Variants in PITPNM2 observed in about 807,000 individuals in gnomAD.
The protein encoded by PITPNM2 is membrane-associated phosphatidylinositol transfer protein 2.
Under a neutral mutation model 132.2 loss-of-function variants are expected in PITPNM2, and 35 were observed. The observed-to-expected ratio is 0.26, with a 90% confidence interval of 0.20 to 0.35. The LOEUF (loss-of-function observed/expected upper bound fraction) is 0.35. Ranked by LOEUF, PITPNM2 falls within the 10% of genes least tolerant of loss-of-function variation. The pLI is 1.00. For synonymous variants in PITPNM2, 738 were observed against 799.2 expected, an observed-to-expected ratio of 0.92 and a Z score of 1.29; for missense variants, 1,332 against 1,912.0, an observed-to-expected ratio of 0.70 and a Z score of 5.66.
At chr12:123,096,536 G>T (rs994096550) in intron 2 of PITPNM2, among the ~76,000 whole-genome samples, 1 of 152,162 alleles carries the variant, frequency 6.6e-6, no homozygotes. Flanking sequence ...AGGGGGGCGA[G>T]GAATGAGAGA....
At chr12:123,055,257 A>G (rs1485070904) in intron 2 of PITPNM2, among the ~76,000 whole-genome samples, 1 of 152,152 alleles carries the variant, frequency 6.6e-6, no homozygotes, top group Non-Finnish European at 1.5e-5. Context: ...CTGGTTGGAG[A>G]AAAGGGCAGA....
At chr12:123,133,746 C>G (rs751571389) in intron 1 of PITPNM2, among the ~76,000 whole-genome samples, 1 of 151,582 alleles carries the variant, frequency 6.6e-6, no homozygotes, top group South Asian at 2.1e-4. Context: ...GAAAAAATAT[C>G]CAGATGAACT....
intron 2 of PITPNM2, among the ~76,000 whole-genome samples, chr12:123,102,326 C>T (rs1314737242): frequency 6.6e-6 from 1 of 152,232 alleles, no homozygotes; most frequent in African/African-American, 2.4e-5. Context: ...GAAGAAAACA[C>T]TAAGAAGTGG....
intron 8 of PITPNM2, among the ~76,000 whole-genome samples, chr12:123,002,677 C>T (rs1358139244): frequency 8.5e-5 from 13 of 152,230 alleles, no homozygotes; most frequent in Admixed American, 8.5e-4. Context: ...GTTGGGATAA[C>T]AGGCGTGAGC....
At chr12:123,149,017 G>A (rs1200661192) in intron 1 of PITPNM2, among the ~76,000 whole-genome samples, 12 of 152,170 alleles carry the variant, frequency 7.9e-5, no homozygotes. Flanking sequence ...GGTAGGAGAG[G>A]AGGCAGAAAA....
At chr12:123,060,952 A>G (rs1342958693) in intron 2 of PITPNM2, among the ~76,000 whole-genome samples, 1 of 152,096 alleles carries the variant, frequency 6.6e-6, no homozygotes, top group African/African-American at 2.4e-5. Context: ...ATGCATCCCT[A>G]CTCGCATCTA....
chr12:123,057,152 G>A (rs946601987), intron 2 of PITPNM2, among the ~76,000 whole-genome samples: 5 of 152,120 alleles, frequency 3.3e-5, no homozygotes, highest in African/African-American at 9.6e-5. Context: ...AGGCCGAGGC[G>A]GGTGGATCAC....
chr12:123,114,407 C>T (rs2042897062), intron 1 of PITPNM2, among the ~76,000 whole-genome samples: 1 of 150,914 alleles, frequency 6.6e-6, no homozygotes. Flanking sequence ...TCCCAGAGAC[C>T]GCCTATACAT....
At chr12:123,128,342 T>G (rs1441474077) in intron 1 of PITPNM2, among the ~76,000 whole-genome samples, 2 of 118,382 alleles carry the variant, frequency 1.7e-5, no homozygotes, top group Non-Finnish European at 3.3e-5. Flanking sequence ...CTTAGGAGGC[T>G]GAGGTGGGAG....
rs1204278343 is a variant in PITPNM2 at position 122,995,526 on chromosome 12, C to T, written c.1917G>A (p.Arg639=). Residue 639 remains arginine, a synonymous_variant, in exon 14 of 26, where the codon CGG becomes CGA. Coordinates refer to ENST00000320201, the MANE Select transcript of PITPNM2 (RefSeq NM_020845.3). The stretch of plus-strand genomic sequence containing the variant: ...TGTCGACGTTGCTTCGGCTCAGGTG[C>T]CGACTGCTCTCCAGGCTGGAGCCAC... ...SSGGSSLESS[R]HLSRSNVDIP... 1 of 1,612,434 alleles carries T rather than the reference C, an allele frequency of 6.2e-7. No individual in the cohort carries two copies. The highest frequency in any genetic ancestry group is 8.5e-7 in the Non-Finnish European group (1 of 1,180,016).
At chr12:123,074,843 C>G (rs2041732974) in intron 2 of PITPNM2, among the ~76,000 whole-genome samples, 1 of 152,226 alleles carries the variant, frequency 6.6e-6, no homozygotes. Flanking sequence ...AAAGAGGGAA[C>G]AGAGGCAGCT....
chr12:122,996,093 G>A (rs564056955), intron 13 of PITPNM2, among the ~76,000 whole-genome samples: 22 of 152,308 alleles, frequency 1.4e-4, no homozygotes, highest in African/African-American at 5.1e-4. Context: ...TTTTGGAAGG[G>A]TGAGGGGAAA....
At position 123,099,341 on chromosome 12, in the gene PITPNM2, A is replaced by G. The variant is rs563357249; in HGVS notation, c.-96+11044T>C. Among the ~76,000 whole-genome samples, 7 of 152,096 alleles carry G rather than the reference A, an allele frequency of 4.6e-5. No individual in the cohort carries two copies. The highest frequency in any genetic ancestry group is 2.1e-4 in the South Asian group (1 of 4,824). ...TCTGGCTCTCTGAATCTGCCTCCCTATGTTCCTCGGAGAACACCCAGCACA... is the reference window on the plus strand; with the variant it reads ...TCTGGCTCTCTGAATCTGCCTCCCTGTGTTCCTCGGAGAACACCCAGCACA... On this transcript the variant is annotated intron_variant, in intron 2 of 25. Coordinates refer to ENST00000320201, the MANE Select transcript of PITPNM2 (RefSeq NM_020845.3). This position sits in a 1 kb window ranked among gnomAD's most constrained non-coding sequence, Gnocchi z 4.2.
chr12:123,010,016 G>A lies in PITPNM2; in HGVS notation c.477C>T (p.Pro159=). 2.5e-6 allele frequency: 4 copies of A among 1,614,220 alleles called. No homozygotes were observed. In the South Asian group the frequency reaches 3.3e-5, roughly 13 times the overall value. The change falls in exon 6 of 26, where the codon CCC becomes CCT. Residue 159 remains proline, a synonymous_variant. Coordinates refer to ENST00000320201, the MANE Select transcript of PITPNM2 (RefSeq NM_020845.3). ...PHNEYKTEED[P]KLFQSTKTQR... ...GGGTCTTGGTTGACTGGAACAGCTT[G>A]GGGTCCTCTTCTGTCTTATACTCGT...
Position 123,082,760 on chromosome 12 carries a change from C to G in PITPNM2, c.-96+27625G>C, listed in dbSNP as rs1054514882. 3.9e-5 allele frequency: 6 copies of G among 152,248 alleles called. No homozygotes were observed. Among genetic ancestry groups the G allele is most frequent in the African/African-American group, 1.4e-4 (6 of 41,468 alleles). The allele number at this position is 152,248 out of a possible 1,614,324, so 9.4% of individuals were successfully genotyped here. ...CATCTTAGCCACTCCCAAGTGCACA[C>G]AGTTCTATGGCATTAGGCACATTCA... On this transcript the variant is annotated intron_variant, in intron 2 of 25. Transcript: ENST00000320201. This position sits in a 1 kb window ranked among gnomAD's most constrained non-coding sequence, Gnocchi z 5.4.
intron 2 of PITPNM2, among the ~76,000 whole-genome samples, chr12:123,098,709 CA>C (rs1438337524): frequency 6.6e-6 from 1 of 151,638 alleles, no homozygotes; most frequent in Non-Finnish European, 1.5e-5. Context: ...AGCAAACAAA[CA>C]GATGCCACAG....
intron 1 of PITPNM2, among the ~76,000 whole-genome samples, chr12:123,136,730 T>C (rs2043389965): frequency 6.6e-6 from 1 of 151,930 alleles, no homozygotes; most frequent in Non-Finnish European, 1.5e-5. Flanking sequence ...ACCCCGTCTC[T>C]ACTAAAAATA....
At chr12:123,007,397 A>C (rs2038981811) in intron 6 of PITPNM2, 2 of 456,564 alleles carry the variant, frequency 4.4e-6, no homozygotes, top group African/African-American at 4.0e-5. Flanking sequence ...AACATTCCAG[A>C]ACAGGCATGG....
chr12:123,067,806 G>A (rs1177353775), intron 2 of PITPNM2, among the ~76,000 whole-genome samples: 14 of 152,174 alleles, frequency 9.2e-5, no homozygotes, highest in Admixed American at 9.2e-4. Flanking sequence ...TTGGGAAACA[G>A]GACACACTCT....
Sources: allele counts gnomAD v4.1 joint callset (sites outside exome capture counted in the v4.1 genomes callset), GRCh38; gene constraint gnomAD v4.1.1; non-coding constraint Gnocchi (gnomAD v3.1); transcripts MANE v1.5; gene names NCBI Gene and HGNC (gene_info 2026-07-23, HGNC 2026-07-21).